Variants in STXBP4 observed in about 807,000 individuals in gnomAD.
STXBP4 encodes the protein syntaxin-binding protein 4.
In STXBP4, 55 loss-of-function variants were observed where a neutral mutation model predicts 76.1. The observed-to-expected ratio is 0.72, with a 90% CI of 0.58 to 0.91. The LOEUF is 0.91. Ranked by LOEUF, STXBP4 falls within the 40% of genes least tolerant of loss-of-function variation. STXBP4 has a pLI of 0.00. For synonymous variants in STXBP4, 201 were observed against 220.2 expected (o/e 0.91, Z 0.77); for missense variants, 618 against 636.9 (o/e 0.97, Z 0.32).
the STXBP4 span, among the ~76,000 whole-genome samples, chr17:55,179,725 T>A: frequency 6.6e-6 from 1 of 152,314 alleles, no homozygotes; most frequent in Middle Eastern, 3.4e-3. Context: ...ATGTATTTTA[T>A]CTTATGATTT....
At chr17:55,020,058 T>C (rs1335545872) in intron 8 of STXBP4, among the ~76,000 whole-genome samples, 1 of 152,224 alleles carries the variant, frequency 6.6e-6, no homozygotes, top group East Asian at 1.9e-4. Context: ...TATATCTTTT[T>C]TAGGTTCTAC....
chr17:55,080,288 A>G (rs1412826532), intron 15 of STXBP4, among the ~76,000 whole-genome samples: 1 of 152,194 alleles, frequency 6.6e-6, no homozygotes, highest in Non-Finnish European at 1.5e-5. Context: ...TCAATATAGC[A>G]TATCCTCTAC....
Position 55,164,611 on chromosome 17 carries a change from C to T in STXBP4, c.*4700C>T, listed in dbSNP as rs1473441954. 1.3e-5 allele frequency: 2 copies of T among 150,936 alleles called. No individual in the cohort carries two copies. The highest frequency in any genetic ancestry group is 1.9e-4 in the East Asian group (1 of 5,174). The allele number at this position is 150,936 out of a possible 1,614,324, so 9.3% of individuals were successfully genotyped here. A position where few individuals can be genotyped will look rare whatever the true frequency, so the allele number is the denominator to read the frequency against. ...GACTACAGGCGCCCGCCACCGCGCCCGGCTAATTTTTTTTGTATTTTTAGT... is the reference window on the plus strand; with the variant it reads ...GACTACAGGCGCCCGCCACCGCGCCTGGCTAATTTTTTTTGTATTTTTAGT... On this transcript the variant is annotated 3_prime_UTR_variant, in exon 18 of 18. Coordinates refer to ENST00000376352, the MANE Select transcript of STXBP4 (RefSeq NM_178509.6).
At chr17:55,110,604 G>GTT (rs1277757807) in intron 16 of STXBP4, among the ~76,000 whole-genome samples, 1 of 152,146 alleles carries the variant, frequency 6.6e-6, no homozygotes, top group African/African-American at 2.4e-5. Context: ...CTTTTTTTCT[G>GTT]TAAAGAACCA....
chr17:55,210,135 G>A, the STXBP4 span, among the ~76,000 whole-genome samples: 1 of 152,172 alleles, frequency 6.6e-6, no homozygotes, highest in East Asian at 1.9e-4. Flanking sequence ...CTCCCAAGCA[G>A]GACCCCCTGC....
At chr17:55,059,605 A>C (rs1871545789) in intron 12 of STXBP4, among the ~76,000 whole-genome samples, 1 of 152,142 alleles carries the variant, frequency 6.6e-6, no homozygotes, top group Non-Finnish European at 1.5e-5. Context: ...TGATTGGACA[A>C]TGCTGATCTA....
At chr17:55,028,839 C>T (rs1225843542) in intron 8 of STXBP4, among the ~76,000 whole-genome samples, 1 of 151,606 alleles carries the variant, frequency 6.6e-6, no homozygotes, top group Non-Finnish European at 1.5e-5. Context: ...TGTTAAATCT[C>T]AAAAAGGAAA....
chr17:55,091,167 A>G (rs1395828096), intron 16 of STXBP4, among the ~76,000 whole-genome samples: 4 of 152,148 alleles, frequency 2.6e-5, no homozygotes, highest in African/African-American at 7.2e-5. Context: ...TGGGCCTGCC[A>G]CTAATTAAAG....
At chr17:55,197,910 G>A in the STXBP4 span, among the ~76,000 whole-genome samples, 1 of 152,194 alleles carries the variant, frequency 6.6e-6, no homozygotes, top group South Asian at 2.1e-4. Flanking sequence ...TTGACTGCAA[G>A]TTTTCTGGGT....
intron 3 of STXBP4, among the ~76,000 whole-genome samples, chr17:54,987,486 T>A (rs2077642769): frequency 6.6e-6 from 1 of 152,218 alleles, no homozygotes; most frequent in Non-Finnish European, 1.5e-5. Flanking sequence ...TCCCTTCATA[T>A]CAGTTTATAA....
chr17:55,142,554 CCTAG>C lies in STXBP4; in HGVS notation c.1547+1189_1547+1192del, dbSNP rs1265016104. On this transcript the variant is annotated intron_variant, in intron 17 of 17. Coordinates refer to ENST00000376352, the MANE Select transcript of STXBP4 (RefSeq NM_178509.6). ...TTATAAAGTTGTTTAATCTTAAGTACCTAGCATAGAACTTGGAACACAGTAGATG... is the reference window on the plus strand; with the variant it reads ...TTATAAAGTTGTTTAATCTTAAGTACCATAGAACTTGGAACACAGTAGATG... Among the ~76,000 whole-genome samples the C allele has an allele frequency of 2.6e-5, 4 of 152,050 alleles. No individual in the cohort carries two copies. In the East Asian group the frequency reaches 7.7e-4, roughly 29 times the overall value.
chr17:55,111,895 G>GGTTT (rs75921976), intron 16 of STXBP4, among the ~76,000 whole-genome samples: 7,598 of 149,780 alleles, frequency 0.051, 467 homozygotes, highest in African/African-American at 0.14. Flanking sequence ...TTTTATTCAG[G>GGTTT]GTTTGTTTGT....
At position 55,072,880 on chromosome 17, in the gene STXBP4, A is replaced by G. The variant is rs760420185; in HGVS notation, c.1012-20A>G. 1.9e-6 allele frequency: 3 copies of G among 1,575,048 alleles called. No individual in the cohort carries two copies. Among genetic ancestry groups the G allele is most frequent in the South Asian group, 2.4e-5 (2 of 84,304 alleles). ...ATTTCTTATGTATTTTTTAAATGAC[A>G]TTAATTTTGAAATCTTTAGGAAGCC... On this transcript the variant is annotated intron_variant, in intron 12 of 17. Coordinates refer to ENST00000376352, the MANE Select transcript of STXBP4 (RefSeq NM_178509.6).
chr17:55,039,959 A>G (rs2078670281), intron 10 of STXBP4, among the ~76,000 whole-genome samples: 1 of 152,108 alleles, frequency 6.6e-6, no homozygotes, highest in Non-Finnish European at 1.5e-5. Flanking sequence ...TATTTTGGAG[A>G]GTGATAGTTG....
intron 16 of STXBP4, among the ~76,000 whole-genome samples, chr17:55,125,736 T>A (rs2628323): frequency 0.64 from 96,916 of 151,888 alleles, 31,789 homozygotes; most frequent in African/African-American, 0.79. Flanking sequence ...AGGGAGGGTG[T>A]TTCCTTAAAT....
In STXBP4 at chr17:55,022,236, T is replaced by C. The variant is rs978828208; in HGVS notation, c.667-8932T>C. Among the ~76,000 whole-genome samples the C allele has an allele frequency of 7.2e-5, 11 of 152,180 alleles. No individual in the cohort carries two copies. The East Asian group carries it at 1.2e-3, about 16-fold the overall frequency. ...AGATGTTATTCACTTCTTTCTAGAT[T>C]ATTTGAATTTCTCTAATCATGAAAA... On this transcript the variant is annotated intron_variant, in intron 8 of 17. Coordinates refer to ENST00000376352, the MANE Select transcript of STXBP4 (RefSeq NM_178509.6).
intron 12 of STXBP4, among the ~76,000 whole-genome samples, chr17:55,068,258 G>A (rs1305718064): frequency 1.3e-5 from 2 of 152,030 alleles, no homozygotes; most frequent in Non-Finnish European, 2.9e-5. Flanking sequence ...GTATTCTTTA[G>A]GGCTTGGTAG....
At chr17:54,991,355 CA>C (rs2077714274) in intron 4 of STXBP4, 1 of 152,368 alleles carries the variant, frequency 6.6e-6, no homozygotes, top group Non-Finnish European at 1.5e-5. Context: ...AAAACAGAAA[CA>C]GCAAACAAAA....
intron 7 of STXBP4, 99 bp downstream of exon 7, chr17:55,000,982 A>G: frequency 1.3e-6 from 1 of 795,794 alleles, no homozygotes; most frequent in Non-Finnish European, 2.0e-6. Flanking sequence ...AGGGTGAATT[A>G]TGTCTTTGTT....
Sources: gnomAD v4.1 joint callset for allele counts (sites outside exome capture counted in the v4.1 genomes callset) on GRCh38, gnomAD v4.1.1 for gene constraint, MANE v1.5 for transcripts, NCBI Gene and HGNC (gene_info 2026-07-23, HGNC 2026-07-21) for gene names.